MAGI1: variants seen among roughly 807,000 people sequenced by gnomAD.
MAGI1 encodes membrane-associated guanylate kinase, WW and PDZ domain-containing protein 1.
MAGI1 carries 58 observed loss-of-function variants against 139.9 expected under a neutral mutation model. The observed-to-expected ratio is 0.41, with a 90% CI of 0.34 to 0.52. The LOEUF (loss-of-function observed/expected upper bound fraction) is 0.52, where lower values mean the gene tolerates loss of function less well. Ranked by LOEUF, MAGI1 falls within the 20% of genes least tolerant of loss-of-function variation. The pLI is 0.12. For synonymous variants in MAGI1, 812 were observed against 737.9 expected, an observed-to-expected ratio of 1.10 and a Z score of -1.63; for missense variants, 1,874 against 1,901.6, an observed-to-expected ratio of 0.99 and a Z score of 0.27.
At chr3:65,665,010 G>C (rs2086422946) in intron 1 of MAGI1, among the ~76,000 whole-genome samples, 1 of 152,126 alleles carries the variant, frequency 6.6e-6, no homozygotes, top group Non-Finnish European at 1.5e-5. Flanking sequence ...ATGTGGTCTT[G>C]AAAAAGTAAC....
At chr3:65,370,635 G>A (rs1941893889) in intron 18 of MAGI1, among the ~76,000 whole-genome samples, 1 of 151,872 alleles carries the variant, frequency 6.6e-6, no homozygotes. Flanking sequence ...TTTTTTCCAG[G>A]GTATTTTATT....
chr3:66,031,759 G>A (rs1291644638), intron 1 of MAGI1, among the ~76,000 whole-genome samples: 2 of 144,514 alleles, frequency 1.4e-5, no homozygotes, highest in Non-Finnish European at 3.0e-5. Flanking sequence ...GTGTTCTGTA[G>A]CAAAGATCTG....
intron 1 of MAGI1, among the ~76,000 whole-genome samples, chr3:65,733,129 G>T (rs1362935927): frequency 1.3e-5 from 2 of 152,104 alleles, no homozygotes; most frequent in African/African-American, 4.8e-5. Context: ...CGCGATCTTG[G>T]CTCACTGCAA....
At chr3:65,389,892 C>G (rs1325620157) in intron 14 of MAGI1, among the ~76,000 whole-genome samples, 1 of 152,152 alleles carries the variant, frequency 6.6e-6, no homozygotes, top group Non-Finnish European at 1.5e-5. Flanking sequence ...AAGGATGAAG[C>G]CCTGAGTGAC....
At chr3:65,648,502 G>A (rs1179096687) in intron 1 of MAGI1, among the ~76,000 whole-genome samples, 1 of 152,028 alleles carries the variant, frequency 6.6e-6, no homozygotes. Context: ...AGAACATTTA[G>A]GTATAAATCT....
intron 2 of MAGI1, among the ~76,000 whole-genome samples, chr3:65,528,956 G>T (rs1360992084): frequency 6.6e-6 from 1 of 152,064 alleles, no homozygotes; most frequent in Non-Finnish European, 1.5e-5. Context: ...TGAGGTGAGA[G>T]AATCACTGGA....
intron 2 of MAGI1, among the ~76,000 whole-genome samples, chr3:65,593,045 G>A (rs564569985): frequency 6.6e-6 from 1 of 152,096 alleles, no homozygotes; most frequent in South Asian, 2.1e-4. Context: ...CTCAATATAA[G>A]GTCACCTTCA....
intron 1 of MAGI1, among the ~76,000 whole-genome samples, chr3:65,695,390 T>C (rs1304494218): frequency 1.3e-5 from 2 of 152,198 alleles, no homozygotes; most frequent in African/African-American, 4.8e-5. Context: ...AGGATACATG[T>C]GAACCAAAGG....
chr3:66,005,809 T>A (rs2066984759), intron 1 of MAGI1, among the ~76,000 whole-genome samples: 1 of 151,980 alleles, frequency 6.6e-6, no homozygotes, highest in Non-Finnish European at 1.5e-5. Flanking sequence ...CTCCCATGGA[T>A]CTACCAGGAA....
At chr3:65,710,186 A>G (rs1217898326) in intron 1 of MAGI1, among the ~76,000 whole-genome samples, 1 of 152,154 alleles carries the variant, frequency 6.6e-6, no homozygotes, top group Non-Finnish European at 1.5e-5. Context: ...AAGGCAGACA[A>G]GCGATCAGTG....
Position 65,391,125 on chromosome 3 carries a change from G to A in MAGI1, c.2416+17C>T, listed in dbSNP as rs781422454. Reference sequence around the variant, plus strand: ...GCGGAGGGGTCAGGGTAAGACAGAGGCCAGGATGCTACTCACGTCGGTTTT... The same window carrying A: ...GCGGAGGGGTCAGGGTAAGACAGAGACCAGGATGCTACTCACGTCGGTTTT... On this transcript the variant is annotated intron_variant, in intron 14 of 22. Transcript: ENST00000402939. 4.3e-6 allele frequency: 7 copies of A among 1,610,024 alleles called. No individual in the cohort carries two copies. In the Admixed American group the frequency reaches 1.2e-4, roughly 27 times the overall value.
At chr3:65,507,457 G>C (rs1300733896) in intron 2 of MAGI1, among the ~76,000 whole-genome samples, 1 of 152,144 alleles carries the variant, frequency 6.6e-6, no homozygotes, top group East Asian at 1.9e-4. Flanking sequence ...TGTTAGCCTG[G>C]TCATAATATG....
At chr3:65,467,706 C>T (rs1264244787) in intron 5 of MAGI1, among the ~76,000 whole-genome samples, 1 of 152,168 alleles carries the variant, frequency 6.6e-6, no homozygotes, top group Admixed American at 6.5e-5. Flanking sequence ...TCCAATATAT[C>T]AAGTCAGTCT....
At chr3:65,951,195 G>A (rs1351373063) in intron 1 of MAGI1, among the ~76,000 whole-genome samples, 2 of 152,184 alleles carry the variant, frequency 1.3e-5, no homozygotes, top group African/African-American at 4.8e-5. Flanking sequence ...TCCTCCCAGA[G>A]AATTCTGCAT....
intron 1 of MAGI1, among the ~76,000 whole-genome samples, chr3:65,757,572 A>G (rs2107855998): frequency 6.6e-6 from 1 of 152,290 alleles, no homozygotes; most frequent in South Asian, 2.1e-4. Flanking sequence ...CAGGAGGCAG[A>G]GGTTGCAGTG....
intron 1 of MAGI1, among the ~76,000 whole-genome samples, chr3:65,975,721 CT>C (rs1224774916): frequency 6.6e-6 from 1 of 152,116 alleles, no homozygotes; most frequent in Non-Finnish European, 1.5e-5. Context: ...TGATTTCTCT[CT>C]AGTTTTTCCT....
intron 2 of MAGI1, among the ~76,000 whole-genome samples, chr3:65,501,333 G>C (rs1450399931): frequency 6.6e-6 from 1 of 151,652 alleles, no homozygotes; most frequent in African/African-American, 2.4e-5. Context: ...AGAAAAATTA[G>C]TGGTGGCAGG....
chr3:65,736,028 C>T (rs1017561261), intron 1 of MAGI1, among the ~76,000 whole-genome samples: 6 of 152,216 alleles, frequency 3.9e-5, no homozygotes, highest in African/African-American at 1.2e-4. Context: ...TCTAAAGACA[C>T]TGCTCTTGCC....
At chr3:65,979,364 G>A (rs779813026) in intron 1 of MAGI1, among the ~76,000 whole-genome samples, 7 of 152,042 alleles carry the variant, frequency 4.6e-5, no homozygotes, top group Non-Finnish European at 7.4e-5. Context: ...GTTAAATTCC[G>A]TTTCCTTCAG....
Sources: allele counts gnomAD v4.1 joint callset (sites outside exome capture counted in the v4.1 genomes callset), GRCh38; gene constraint gnomAD v4.1.1; transcripts MANE v1.5; gene names NCBI Gene and HGNC (gene_info 2026-07-23, HGNC 2026-07-21).